DCDC1: variants seen among roughly 807,000 people sequenced by gnomAD.
The protein encoded by DCDC1 is doublecortin domain containing 1.
A neutral mutation model predicts 178.3 loss-of-function variants in DCDC1; 200 were observed. The ratio of observed to expected loss-of-function variants is 1.12; its 90% CI spans 1.00 to 1.26. The LOEUF is 1.26. Among genes scored for constraint, DCDC1 ranks in the 50% most tolerant of loss-of-function variants. The pLI, the probability that DCDC1 is intolerant of heterozygous loss-of-function variation, is 0.00. For missense variants in DCDC1, 1,983 were observed against 1,749.2 expected (o/e 1.13, Z -2.38); for synonymous variants, 690 against 604.8 (o/e 1.14, Z -2.07).
intron 20 of DCDC1, among the ~76,000 whole-genome samples, chr11:30,965,302 T>C (rs529340447): frequency 6.6e-6 from 1 of 152,310 alleles, no homozygotes; most frequent in Non-Finnish European, 1.5e-5. Flanking sequence ...GTCAGTACCA[T>C]TCTGGAGGCC....
chr11:31,280,548 A>G, intron 7 of DCDC1: 1 of 287,642 alleles, frequency 3.5e-6, no homozygotes, highest in Non-Finnish European at 6.8e-6. Flanking sequence ...CTGCCCAACA[A>G]AATATTCTGT....
chr11:31,002,320 T>A (rs189825552), intron 20 of DCDC1, among the ~76,000 whole-genome samples: 2 of 152,374 alleles, frequency 1.3e-5, no homozygotes, highest in African/African-American at 4.8e-5. Context: ...AGTATTTTAA[T>A]ATATTCTTTT....
intron 20 of DCDC1, among the ~76,000 whole-genome samples, chr11:30,981,605 A>G (rs192267214): frequency 2.0e-5 from 3 of 152,334 alleles, no homozygotes; most frequent in African/African-American, 7.2e-5. Flanking sequence ...CAAACTAACT[A>G]CAAAGCCAGT....
chr11:31,366,136 CAA>C (rs2133423300), intron 1 of DCDC1, among the ~76,000 whole-genome samples: 1 of 152,054 alleles, frequency 6.6e-6, no homozygotes, highest in South Asian at 2.1e-4. Flanking sequence ...GAAACCAAAG[CAA>C]AGAGATGAAT....
At chr11:31,308,861 G>A (rs1232067865) in intron 3 of DCDC1, among the ~76,000 whole-genome samples, 2 of 152,020 alleles carry the variant, frequency 1.3e-5, no homozygotes, top group African/African-American at 4.8e-5. Context: ...AAGTATCTTT[G>A]CACAAACCAA....
chr11:31,002,515 A>T (rs1187590289), intron 20 of DCDC1, among the ~76,000 whole-genome samples: 1 of 152,294 alleles, frequency 6.6e-6, no homozygotes, highest in South Asian at 2.1e-4. Flanking sequence ...ACTAACAATG[A>T]TGATTCTCGA....
chr11:31,275,966 G>C (rs892978512), intron 7 of DCDC1, among the ~76,000 whole-genome samples: 2 of 152,184 alleles, frequency 1.3e-5, no homozygotes, highest in Non-Finnish European at 2.9e-5. Context: ...AGTTATACCT[G>C]GCTGTGCAGC....
chr11:30,969,910 G>T (rs961491995), intron 20 of DCDC1, among the ~76,000 whole-genome samples: 1 of 152,250 alleles, frequency 6.6e-6, no homozygotes, highest in African/African-American at 2.4e-5. Context: ...GACTTGACTA[G>T]AGGTATCTGG....
intron 27 of DCDC1, among the ~76,000 whole-genome samples, chr11:30,915,079 T>A: frequency 6.6e-6 from 1 of 152,168 alleles, no homozygotes; most frequent in East Asian, 1.9e-4. Context: ...AACTGGTTAT[T>A]TTATGAAGGT....
At chr11:31,049,040 T>C (rs570987006) in intron 20 of DCDC1, among the ~76,000 whole-genome samples, 3 of 152,368 alleles carry the variant, frequency 2.0e-5, no homozygotes, top group African/African-American at 7.2e-5. Context: ...GTTTTAAAAA[T>C]GTAAAAGTAA....
At chr11:31,161,806 C>T (rs1026322937) in intron 9 of DCDC1, among the ~76,000 whole-genome samples, 1 of 152,176 alleles carries the variant, frequency 6.6e-6, no homozygotes, top group African/African-American at 2.4e-5. Context: ...TGTTGGCAAA[C>T]ATCTTCAGTA....
intron 22 of DCDC1, among the ~76,000 whole-genome samples, chr11:30,928,109 C>T (rs553553985): frequency 2.5e-4 from 38 of 152,034 alleles, no homozygotes; most frequent in African/African-American, 8.7e-4. Flanking sequence ...TAGATTAATG[C>T]CCCCCCTTGG....
intron 6 of DCDC1, among the ~76,000 whole-genome samples, chr11:31,293,531 G>A (rs1244472075): frequency 2.6e-5 from 4 of 152,092 alleles, no homozygotes; most frequent in Non-Finnish European, 4.4e-5. Flanking sequence ...CCCTCAGAGC[G>A]AATGCCTCCT....
intron 11 of DCDC1, among the ~76,000 whole-genome samples, chr11:31,121,685 G>A (rs1213901690): frequency 1.3e-5 from 2 of 151,642 alleles, no homozygotes; most frequent in African/African-American, 4.8e-5. Context: ...CCAGCCCCTG[G>A]TTGAGACCAC....
At chr11:31,262,717 A>T (rs1944877500) in intron 8 of DCDC1, 1 of 209,070 alleles carries the variant, frequency 4.8e-6, no homozygotes, top group Non-Finnish European at 9.4e-6. Flanking sequence ...TCAGAAAACC[A>T]TCCAACACAA....
At chr11:31,212,610 A>C (rs1020395093) in intron 9 of DCDC1, among the ~76,000 whole-genome samples, 1 of 152,134 alleles carries the variant, frequency 6.6e-6, no homozygotes, top group African/African-American at 2.4e-5. Flanking sequence ...CAGATTTTTC[A>C]AATGAGATTT....
intron 3 of DCDC1, among the ~76,000 whole-genome samples, chr11:31,313,007 A>G (rs1006077686): frequency 2.0e-5 from 3 of 152,022 alleles, no homozygotes; most frequent in Admixed American, 2.0e-4. Context: ...AATTACAAAA[A>G]ATTTTAAAGT....
chr11:31,203,136 TA>T (rs1971485505), intron 9 of DCDC1, among the ~76,000 whole-genome samples: 1 of 151,780 alleles, frequency 6.6e-6, no homozygotes. Flanking sequence ...GATAAAAAAA[TA>T]AAATGTCATG....
chr11:31,305,470 C>T, intron 6 of DCDC1, 145 bp downstream of exon 6: 1 of 1,063,616 alleles, frequency 9.4e-7, no homozygotes, highest in Non-Finnish European at 1.3e-6. Flanking sequence ...TCATTAAGCA[C>T]ATTATCCTCT....
Sources: allele counts gnomAD v4.1 joint callset (sites outside exome capture counted in the v4.1 genomes callset), GRCh38; gene constraint gnomAD v4.1.1; transcripts MANE v1.5; gene names NCBI Gene and HGNC (gene_info 2026-07-23, HGNC 2026-07-21).